NVL: variants seen among roughly 807,000 people sequenced by gnomAD.
NVL encodes nuclear valosin-containing protein-like.
Under a neutral mutation model 110.2 loss-of-function variants are expected in NVL, and 84 were observed. The observed-to-expected ratio is 0.76, with a 90% CI of 0.64 to 0.91. NVL has a LOEUF of 0.91. Among genes scored for constraint, NVL ranks in the 40% least tolerant of loss-of-function variants. The pLI, the probability that NVL is intolerant of heterozygous loss-of-function variation, is 0.00. For synonymous variants in NVL, 354 were observed against 361.1 expected (o/e 0.98, Z 0.22); for missense variants, 882 against 1,035.9 (o/e 0.85, Z 2.04).
chr1:224,241,810 C>G (rs570951302), intron 19 of NVL, among the ~76,000 whole-genome samples: 1 of 144,682 alleles, frequency 6.9e-6, no homozygotes, highest in African/African-American at 2.6e-5. Flanking sequence ...GAGCTGAGAT[C>G]AAACCACTGC....
At chr1:224,247,514 C>CA (rs1438648533) in intron 19 of NVL, among the ~76,000 whole-genome samples, 8 of 151,898 alleles carry the variant, frequency 5.3e-5, no homozygotes, top group African/African-American at 1.9e-4. Context: ...ACTAAAAATA[C>CA]AAAAATTAGC....
Position 224,317,937 on chromosome 1 carries a change from AAAG to A in NVL, c.132-10_132-8del. 6.3e-7 allele frequency: 1 copy of A among 1,577,220 alleles called. No homozygotes were observed. Among genetic ancestry groups the A allele is most frequent in the Non-Finnish European group, 8.6e-7 (1 of 1,160,984 alleles). ...TCTTCGACCATAGTCTATACTGAAA[AAAG>A]AAAACAAGAAGTTTACCATAGTAGT... On this transcript the variant is annotated splice_polypyrimidine_tract_variant and splice_region_variant and intron_variant, in intron 2 of 22. Transcript: ENST00000281701.
chr1:224,227,726 A>G, intron 22 of NVL, 56 bp from the exon 23 acceptor site: 1 of 1,552,344 alleles, frequency 6.4e-7, no homozygotes, highest in Non-Finnish European at 8.8e-7. Flanking sequence ...TTTGGGCTGA[A>G]TGGTGCCCCC....
At chr1:224,249,989 CA>C (rs1355848331) in intron 19 of NVL, among the ~76,000 whole-genome samples, 1 of 152,158 alleles carries the variant, frequency 6.6e-6, no homozygotes, top group African/African-American at 2.4e-5. Context: ...CCCAAAGTGC[CA>C]GTTTCTCCAA....
At chr1:224,298,185 C>A in intron 10 of NVL, 1 of 181,828 alleles carries the variant, frequency 5.5e-6, no homozygotes, top group Non-Finnish European at 1.1e-5. Flanking sequence ...GCCTGGGCAA[C>A]AGAACGAGAC....
At chr1:224,329,615 GT>G (rs1429165964) in intron 1 of NVL, among the ~76,000 whole-genome samples, 1 of 152,214 alleles carries the variant, frequency 6.6e-6, no homozygotes, top group Non-Finnish European at 1.5e-5. Context: ...CAAAGTGCCT[GT>G]TACTGTTGCC....
At chr1:224,235,984 T>C (rs1350129588) in intron 20 of NVL, among the ~76,000 whole-genome samples, 1 of 151,716 alleles carries the variant, frequency 6.6e-6, no homozygotes, top group Non-Finnish European at 1.5e-5. Context: ...GGGCATTGTC[T>C]CTGTTAGTTA....
chr1:224,267,637 A>C (rs1162396290), intron 18 of NVL, among the ~76,000 whole-genome samples: 4 of 151,110 alleles, frequency 2.6e-5, no homozygotes, highest in Non-Finnish European at 5.9e-5. Flanking sequence ...CAGTGAGCCA[A>C]GGTCATGCCA....
intron 4 of NVL, among the ~76,000 whole-genome samples, chr1:224,313,990 G>A (rs982129454): frequency 2.6e-5 from 4 of 152,242 alleles, no homozygotes; most frequent in Non-Finnish European, 4.4e-5. Flanking sequence ...GTGACAGAGC[G>A]AGATTCTGTC....
Position 224,289,573 on chromosome 1 carries a change from G to A in NVL, c.1486C>T (p.Gln496Ter). ...VNRVLMKLQE[Q>*]QKKNPEMEDL... ...TCCATTTCAGGATTTTTCTTCTGCT[G>A]TTCCTGTAGCTTCATTAAGACTCTA... The change falls in exon 13 of 23, where the codon CAG becomes TAG. Residue 496 changes from glutamine to a stop codon, truncating the protein, a stop_gained. Transcript: ENST00000281701. LOFTEE classifies it high-confidence loss of function. 6.2e-7 allele frequency: 1 copy of A among 1,614,206 alleles called. No homozygotes were observed. The highest frequency in any genetic ancestry group is 8.5e-7 in the Non-Finnish European group (1 of 1,180,042).
chr1:224,300,533 C>T (rs1204445624), intron 10 of NVL, 29 bp downstream of exon 10: 2 of 1,534,626 alleles, frequency 1.3e-6, no homozygotes, highest in African/African-American at 2.7e-5. Flanking sequence ...AGCGTCTGAC[C>T]ACCTGGCATT....
chr1:224,307,949 G>A, intron 6 of NVL, 42 bp downstream of exon 6: 1 of 1,501,962 alleles, frequency 6.7e-7, no homozygotes, highest in Non-Finnish European at 8.9e-7. Flanking sequence ...AGGTTGAAAT[G>A]TACTTCGATG....
chr1:224,303,638 T>C (rs1558332924), intron 9 of NVL, 85 bp downstream of exon 9: 3 of 1,409,240 alleles, frequency 2.1e-6, no homozygotes, highest in Non-Finnish European at 2.9e-6. Flanking sequence ...ATGCCATGTC[T>C]GGTTTAAGTT....
At chr1:224,308,295 A>G (rs550171616) in intron 5 of NVL, 32 bp from the exon 6 acceptor site, 1 of 1,569,550 alleles carries the variant, frequency 6.4e-7, no homozygotes, top group African/African-American at 1.4e-5. Context: ...ATTGTAGCAT[A>G]AATTACTCAA....
intron 2 of NVL, among the ~76,000 whole-genome samples, chr1:224,321,187 G>A (rs1670607792): frequency 6.6e-6 from 1 of 152,226 alleles, no homozygotes; most frequent in Non-Finnish European, 1.5e-5. Flanking sequence ...TGAAGCTGCA[G>A]TGAGCCGAGA....
chr1:224,228,940 A>AG (rs1259016058), intron 22 of NVL, among the ~76,000 whole-genome samples: 3 of 150,752 alleles, frequency 2.0e-5, no homozygotes, highest in African/African-American at 7.3e-5. Context: ...AAAAAAAAAA[A>AG]AAAAAAGAAA....
chr1:224,329,351 AGG>A (rs1436990120), intron 1 of NVL, among the ~76,000 whole-genome samples: 2 of 151,858 alleles, frequency 1.3e-5, no homozygotes, highest in African/African-American at 2.4e-5. Flanking sequence ...AGGAAAGAGG[AGG>A]AAGGGGAGGT....
intron 18 of NVL, among the ~76,000 whole-genome samples, chr1:224,265,044 C>T (rs1051043210): frequency 8.6e-5 from 13 of 152,040 alleles, no homozygotes; most frequent in Admixed American, 4.6e-4. Context: ...CGTGCCCGGC[C>T]AGAACATTTA....
intron 17 of NVL, among the ~76,000 whole-genome samples, chr1:224,271,329 A>G (rs906165800): frequency 6.6e-6 from 1 of 151,884 alleles, no homozygotes; most frequent in Non-Finnish European, 1.5e-5. Flanking sequence ...CCCACCTCTA[A>G]AAACAAAAAC....
Sources: allele counts gnomAD v4.1 joint callset (sites outside exome capture counted in the v4.1 genomes callset), GRCh38; gene constraint gnomAD v4.1.1; transcripts MANE v1.5; gene names NCBI Gene and HGNC (gene_info 2026-07-23, HGNC 2026-07-21).